MZT2A: variants seen among roughly 807,000 people sequenced by gnomAD.
The protein encoded by MZT2A is mitotic-spindle organizing protein 2A.
Under a neutral mutation model 12.4 loss-of-function variants are expected in MZT2A, and 8 were observed. The ratio of observed to expected loss-of-function variants is 0.64; its 90% CI spans 0.38 to 1.16. The LOEUF is 1.16. Among genes scored for constraint, MZT2A ranks in the 50% most tolerant of loss-of-function variants. The probability of loss-of-function intolerance (pLI) is 0.01; values close to 1 mark genes in which losing one functional copy is unlikely to be tolerated. For synonymous variants in MZT2A, 88 were observed against 107.5 expected, an observed-to-expected ratio of 0.82 and a Z score of 1.12; for missense variants, 181 against 223.6, an observed-to-expected ratio of 0.81 and a Z score of 1.22.
At chr2:131,474,983 T>C (rs1381562894) in intron 2 of MZT2A, among the ~76,000 whole-genome samples, 1 of 152,016 alleles carries the variant, frequency 6.6e-6, no homozygotes, top group African/African-American at 2.4e-5. Flanking sequence ...TTTTTCAAGA[T>C]GGAGTTTCGC....
intron 2 of MZT2A, chr2:131,491,149 G>C: frequency 1.7e-6 from 1 of 576,272 alleles, no homozygotes. Flanking sequence ...GAGAGCCATC[G>C]GGAGCAGAAG....
chr2:131,473,214 G>T (rs1267271177), intron 2 of MZT2A, among the ~76,000 whole-genome samples: 4 of 151,948 alleles, frequency 2.6e-5, no homozygotes, highest in Non-Finnish European at 1.5e-5. Context: ...TTTTTAGGGT[G>T]CCTGGGGCTA....
rs554135041 is a variant in MZT2A, at chr2:131,476,504, C to T, written c.279-4322G>A. On this transcript the variant is annotated intron_variant and NMD_transcript_variant, in intron 2 of 4. Transcript: ENST00000427024. ...TGAAGACGGGAGGGCGCTGCTCCCG[C>T]TTCACACGTCTTTGTGCTACTCGAA... Among the ~76,000 whole-genome samples, 140 of 152,314 alleles carry T rather than the reference C, an allele frequency of 9.2e-4. 4 individuals carry two copies. The highest frequency in any genetic ancestry group is 9.0e-3 in the Admixed American group (137 of 15,304).
At chr2:131,490,775 G>A in intron 2 of MZT2A, 1 of 1,549,962 alleles carries the variant, frequency 6.5e-7, no homozygotes, top group Non-Finnish European at 8.7e-7. Context: ...TGGAGAGAGA[G>A]GTGAGTGTGT....
downstream of MZT2A, chr2:131,482,679 T>C (rs1303753780): frequency 9.9e-6 from 16 of 1,614,038 alleles, no homozygotes; most frequent in Non-Finnish European, 1.4e-5. Context: ...GACCATAAGT[T>C]CGATCTCATG....
chr2:131,476,169 G>A (rs1329692195), intron 2 of MZT2A: 1 of 1,613,832 alleles, frequency 6.2e-7, no homozygotes, highest in South Asian at 1.1e-5. Flanking sequence ...AGGTCTGGCA[G>A]TAGCGTTGGG....
At chr2:131,478,005 C>T (rs528581049) in intron 2 of MZT2A, among the ~76,000 whole-genome samples, 1 of 152,192 alleles carries the variant, frequency 6.6e-6, no homozygotes, top group African/African-American at 2.4e-5. Flanking sequence ...GTTTTCACAG[C>T]GATAAAGGGA....
chr2:131,480,957 G>A (rs1394272366), downstream of MZT2A, among the ~76,000 whole-genome samples: 1 of 151,510 alleles, frequency 6.6e-6, no homozygotes, highest in African/African-American at 2.4e-5. Flanking sequence ...AGGCTGGAGT[G>A]CAGTGGTGCG....
At chr2:131,492,833 C>T, upstream of MZT2A, 2 of 1,465,214 alleles carry the variant, frequency 1.4e-6, no homozygotes, top group South Asian at 1.2e-5. Flanking sequence ...CACGCGCATT[C>T]CTTGCTAGGG....
chr2:131,482,475 C>A (rs1170681392), downstream of MZT2A: 1 of 1,533,498 alleles, frequency 6.5e-7, no homozygotes, highest in Non-Finnish European at 8.8e-7. Context: ...AGGGTGTCTT[C>A]TGTTTGAGGA....
At chr2:131,492,443 C>G, upstream of MZT2A, 1 of 1,190,138 alleles carries the variant, frequency 8.4e-7, no homozygotes, top group Non-Finnish European at 1.0e-6. Flanking sequence ...CCACCGCCCT[C>G]TCCCTGCAGC....
intron 2 of MZT2A, among the ~76,000 whole-genome samples, chr2:131,487,427 A>ATGAG (rs1679093681): frequency 6.6e-6 from 1 of 152,156 alleles, no homozygotes; most frequent in South Asian, 2.1e-4. Flanking sequence ...GCAGTGAGCT[A>ATGAG]TGAGTGTGCC....
At chr2:131,477,547 G>A (rs1212512254) in intron 2 of MZT2A, among the ~76,000 whole-genome samples, 2 of 145,380 alleles carry the variant, frequency 1.4e-5, no homozygotes, top group Non-Finnish European at 3.0e-5. Context: ...CAAGGAGGGA[G>A]TACCCTGGCA....
chr2:131,487,353 C>T (rs1282986059), intron 2 of MZT2A, among the ~76,000 whole-genome samples: 5 of 152,050 alleles, frequency 3.3e-5, no homozygotes, highest in Non-Finnish European at 5.9e-5. Context: ...TGGTAGTGTG[C>T]ACCTGTAGTC....
downstream of MZT2A, chr2:131,479,978 C>T (rs1029524789): frequency 6.8e-7 from 1 of 1,477,634 alleles, no homozygotes; most frequent in African/African-American, 1.4e-5. Flanking sequence ...CATATCAACT[C>T]TTTAGAGGCA....
In MZT2A at chr2:131,476,153, C is replaced by T. The variant is rs1397564084; in HGVS notation, c.279-3971G>A. The T allele has an allele frequency of 3.1e-6, 5 of 1,613,302 alleles. No individual in the cohort carries two copies. The East Asian group carries it at 6.7e-5, about 22-fold the overall frequency. ...TTGGGCGCTCAGCAGCTGTGGCAGCCGGTTGAGGTCTGGCAGTAGCGTTGG... is the reference window on the plus strand; with the variant it reads ...TTGGGCGCTCAGCAGCTGTGGCAGCTGGTTGAGGTCTGGCAGTAGCGTTGG... On this transcript the variant is annotated intron_variant and NMD_transcript_variant, in intron 2 of 4. Transcript: ENST00000427024.
At chr2:131,478,173 A>C (rs1249434575) in intron 2 of MZT2A, 1 of 1,613,444 alleles carries the variant, frequency 6.2e-7, no homozygotes, top group Non-Finnish European at 8.5e-7. Context: ...GCGCGAGTGT[A>C]TCTCTATCCA....
chr2:131,478,094 T>C, intron 2 of MZT2A: 4 of 1,555,390 alleles, frequency 2.6e-6, no homozygotes, highest in East Asian at 2.3e-5. Flanking sequence ...TAAATTAGAA[T>C]ATTTTGCATG....
chr2:131,490,176 C>A, intron 2 of MZT2A: 1 of 717,112 alleles, frequency 1.4e-6, no homozygotes, highest in South Asian at 6.2e-5. Flanking sequence ...CCTGATCACA[C>A]CTGGTGACAC....
Sources: gnomAD v4.1 joint callset for allele counts (sites outside exome capture counted in the v4.1 genomes callset) on GRCh38, gnomAD v4.1.1 for gene constraint, MANE v1.5 for transcripts, NCBI Gene and HGNC (gene_info 2026-07-23, HGNC 2026-07-21) for gene names.